TNPO2: variants seen among roughly 807,000 people sequenced by gnomAD.
TNPO2 encodes the protein transportin 2.
A neutral mutation model predicts 111.1 loss-of-function variants in TNPO2; 16 were observed. The ratio of observed to expected loss-of-function variants is 0.14; its 90% confidence interval spans 0.10 to 0.22. TNPO2 has a LOEUF of 0.22. TNPO2 is among the 10% of genes least tolerant of loss of function. The pLI is 1.00. For missense variants in TNPO2, 530 were observed against 1,173.7 expected (o/e 0.45, Z 8.01); for synonymous variants, 481 against 475.8 (o/e 1.01, Z -0.14).
Position 12,705,154 on chromosome 19 carries a change from T to C in TNPO2, c.2022+86A>G, listed in dbSNP as rs979748556. ...GAACAGCACCTTTTCCCTGATTTCC[T>C]TTGGGCACAACCAGGCCCTGACTCC... is the stretch of plus-strand genomic sequence containing the variant. On this transcript the variant is annotated intron_variant, in intron 18 of 25. Transcript: ENST00000425528. The surrounding 1 kb of genome is among the most constrained non-coding windows in gnomAD (Gnocchi z 7.2). 7.3e-7 allele frequency: 1 copy of C among 1,370,764 alleles called. No homozygotes were observed. The highest frequency in any genetic ancestry group is 2.1e-5 in the Admixed American group (1 of 47,204). The allele number at this position is 1,370,764 out of a possible 1,614,324, so 84.9% of individuals were successfully genotyped here.
chr19:12,705,971 TG>T lies in TNPO2; in HGVS notation c.1669-204del. On this transcript the variant is annotated intron_variant, in intron 15 of 25. Coordinates refer to ENST00000425528, the MANE Select transcript of TNPO2 (RefSeq NM_001382241.1). This position sits in a 1 kb window ranked among gnomAD's most constrained non-coding sequence, Gnocchi z 7.2. ...CGCCCCACCCCACCCCCCGGGAGCC[TG>T]GGTTACCACCTCCTGGTTCCCGAAG... 2.1e-6 allele frequency: 1 copy of T among 483,366 alleles called. No homozygotes were observed. The highest frequency in any genetic ancestry group is 3.7e-6 in the Non-Finnish European group (1 of 270,960). The allele number at this position is 483,366 out of a possible 1,614,324, so 29.9% of individuals were successfully genotyped here.
Position 12,700,222 on chromosome 19 carries a change from A to T in TNPO2, c.*1042T>A, listed in dbSNP as rs1221902049. The T allele has an allele frequency of 6.6e-6, 1 of 152,146 alleles. No individual in the cohort carries two copies. Among genetic ancestry groups the T allele is most frequent in the Non-Finnish European group, 1.5e-5 (1 of 68,036 alleles). 9.4% of individuals were successfully genotyped at this position (152,146 alleles called of 1,614,324 possible). On this transcript the variant is annotated 3_prime_UTR_variant, in exon 26 of 26. Coordinates refer to ENST00000425528, the MANE Select transcript of TNPO2 (RefSeq NM_001382241.1). ...CTGGCAAAAACCTGTGTCCTCTGTC[A>T]TCATCAATTAAACGCCCCTGCCCCA...
In TNPO2 at chr19:12,719,331, G is replaced by C. The variant is rs780546788; in HGVS notation, c.105C>G (p.Leu35=). 1 of 1,613,762 alleles carries C rather than the reference G, an allele frequency of 6.2e-7. No homozygotes were observed. Among genetic ancestry groups the C allele is most frequent in the Admixed American group, 1.7e-5 (1 of 59,988 alleles). Residue 35 remains leucine (L), a synonymous_variant, in exon 4 of 26, where the codon CTC becomes CTG. Transcript: ENST00000425528. This position sits in a 1 kb window ranked among gnomAD's most constrained non-coding sequence, Gnocchi z 5.0. ...TATQRIVQDK[L]KQLNQFPDFN... is the part of the protein sequence containing the mutation. ...AGTCAGGAAACTGATTGAGTTGTTT[G>C]AGTTTCTGCCAGGCTGTTAAGGGAC... is the stretch of plus-strand genomic sequence containing the variant.
Position 12,710,610 on chromosome 19 carries a change from G to C in TNPO2, c.1270+11C>G, listed in dbSNP as rs2025981384. 1.2e-6 allele frequency: 2 copies of C among 1,612,258 alleles called. No individual in the cohort carries two copies. The highest frequency in any genetic ancestry group is 1.7e-6 in the Non-Finnish European group (2 of 1,179,308). On this transcript the variant is annotated intron_variant, in intron 13 of 25. Coordinates refer to ENST00000425528, the MANE Select transcript of TNPO2 (RefSeq NM_001382241.1). ...ATGCCAGCACAGGGCTCAGAGATCAGGCGCACTCACCCTCAGCAATGGCGC... is the reference window on the plus strand; with the variant it reads ...ATGCCAGCACAGGGCTCAGAGATCACGCGCACTCACCCTCAGCAATGGCGC...
chr19:12,720,119 C>T (rs1012065844), intron 3 of TNPO2, among the ~76,000 whole-genome samples: 2 of 152,046 alleles, frequency 1.3e-5, no homozygotes, highest in African/African-American at 4.8e-5. Flanking sequence ...CAGGTTCAAG[C>T]GATTCTCCTG....
chr19:12,705,104 C>T lies in TNPO2; in HGVS notation c.2022+136G>A, dbSNP rs2025562062. ...GGCTCAAGCAATCCTGCCTCGGCCT[C>T]CAGGATTACTCTTTAAAATAATTAG... On this transcript the variant is annotated intron_variant, in intron 18 of 25. Transcript: ENST00000425528. The surrounding 1 kb of genome is among the most constrained non-coding windows in gnomAD (Gnocchi z 7.2). 4 of 952,728 alleles carry T rather than the reference C, an allele frequency of 4.2e-6. No homozygotes were observed. The highest frequency in any genetic ancestry group is 3.3e-5 in the African/African-American group (2 of 60,668). The allele number at this position is 952,728 out of a possible 1,614,324, so 59.0% of individuals were successfully genotyped here.
rs2025593500 is a variant in TNPO2, at chr19:12,705,470, TG to T, written c.1863+21del. 6.3e-7 allele frequency: 1 copy of T among 1,580,574 alleles called. No individual in the cohort carries two copies. The highest frequency in any genetic ancestry group is 1.3e-5 in the African/African-American group (1 of 74,146). ...AGGCAGGCCAATGCAGAAGCACAGG[TG>T]ACGGGCCTAGGGTTGCTCACCATGG... On this transcript the variant is annotated intron_variant, in intron 17 of 25. Coordinates refer to ENST00000425528, the MANE Select transcript of TNPO2 (RefSeq NM_001382241.1). The surrounding 1 kb of genome is among the most constrained non-coding windows in gnomAD (Gnocchi z 7.2).
In TNPO2 at chr19:12,702,971, CA is replaced by C; in HGVS notation, c.2210-54del. On this transcript the variant is annotated intron_variant, in intron 20 of 25. Transcript: ENST00000425528. The surrounding 1 kb of genome is among the most constrained non-coding windows in gnomAD (Gnocchi z 5.5). ...CACAGCCCCCGCCACCCACAGGGGC[CA>C]GGGGGCCGCCCCACCTCACTCACTA... 4 of 1,531,190 alleles carry C rather than the reference CA, an allele frequency of 2.6e-6. No homozygotes were observed. The highest frequency in any genetic ancestry group is 4.5e-5 in the East Asian group (2 of 44,364). The allele number at this position is 1,531,190 out of a possible 1,614,324, so 94.9% of individuals were successfully genotyped here. A position where few individuals can be genotyped will look rare whatever the true frequency, so the allele number is the denominator to read the frequency against.
chr19:12,713,036 C>T (rs569638743), intron 10 of TNPO2, among the ~76,000 whole-genome samples: 5 of 152,180 alleles, frequency 3.3e-5, no homozygotes, highest in African/African-American at 1.2e-4. Context: ...TAGGCGTGAG[C>T]CATGGCACTC....
intron 5 of TNPO2, among the ~76,000 whole-genome samples, chr19:12,717,548 A>G (rs145746387): frequency 1.3e-5 from 2 of 152,184 alleles, no homozygotes; most frequent in African/African-American, 4.8e-5. Context: ...CTGGGATTAG[A>G]GGCGTGAGCC....
Position 12,702,698 on chromosome 19 carries a change from T to A in TNPO2, c.2305+125A>T, listed in dbSNP as rs995086902. Reference sequence around the variant, plus strand: ...CTTGGGGCTTCTCCCAGTGACCCCTTCCAGGTACTTCCAGACACCCTCCTT... The same window carrying A: ...CTTGGGGCTTCTCCCAGTGACCCCTACCAGGTACTTCCAGACACCCTCCTT... On this transcript the variant is annotated intron_variant, in intron 21 of 25. Transcript: ENST00000425528. The surrounding 1 kb of genome is among the most constrained non-coding windows in gnomAD (Gnocchi z 5.5). 7 of 850,002 alleles carry A rather than the reference T, an allele frequency of 8.2e-6. No individual in the cohort carries two copies. The highest frequency in any genetic ancestry group is 1.2e-5 in the Non-Finnish European group (6 of 517,188). 52.7% of individuals were successfully genotyped at this position (850,002 alleles called of 1,614,324 possible). A position where few individuals can be genotyped will look rare whatever the true frequency, so the allele number is the denominator to read the frequency against.
At position 12,708,260 on chromosome 19, in the gene TNPO2, T is replaced by C. The variant is rs180971838; in HGVS notation, c.1271-1465A>G. ...TGATTGTCGTGCCTCAGCCTCCCAA[T>C]AGCTAGGACTACAGGTATGCACCAC... is the stretch of plus-strand genomic sequence containing the variant. On this transcript the variant is annotated intron_variant, in intron 13 of 25. Coordinates refer to ENST00000425528, the MANE Select transcript of TNPO2 (RefSeq NM_001382241.1). Among the ~76,000 whole-genome samples, 26 of 152,172 alleles carry C rather than the reference T, an allele frequency of 1.7e-4. 1 individual carries two copies. The East Asian group carries it at 2.5e-3, about 15-fold the overall frequency.
Position 12,705,620 on chromosome 19 carries a change from T to A in TNPO2, c.1756-21A>T. 2 of 1,582,664 alleles carry A rather than the reference T, an allele frequency of 1.3e-6. No homozygotes were observed. Among genetic ancestry groups the A allele is most frequent in the African/African-American group, 1.4e-5 (1 of 74,056 alleles). ...AGACACTGGCAGGGAGGAAGGCAGG[T>A]GGGGAGAACTCAGGCAGGGTGGGCA... On this transcript the variant is annotated intron_variant, in intron 16 of 25. Coordinates refer to ENST00000425528, the MANE Select transcript of TNPO2 (RefSeq NM_001382241.1). This position sits in a 1 kb window ranked among gnomAD's most constrained non-coding sequence, Gnocchi z 7.2.
At chr19:12,704,192 C>A (rs555282293) in intron 18 of TNPO2, among the ~76,000 whole-genome samples, 1 of 152,176 alleles carries the variant, frequency 6.6e-6, no homozygotes, top group Non-Finnish European at 1.5e-5. Context: ...CATGGCAAAA[C>A]CCTGTCTTTA....
chr19:12,703,185 A>C, intron 20 of TNPO2: 1 of 586,642 alleles, frequency 1.7e-6, no homozygotes, highest in East Asian at 2.8e-5. Flanking sequence ...AAAAAAAGCC[A>C]AAGTCACCCA....
Position 12,721,280 on chromosome 19 carries a change from A to G in TNPO2, c.-13-290T>C. 2 of 1,287,846 alleles carry G rather than the reference A, an allele frequency of 1.6e-6. No individual in the cohort carries two copies. The highest frequency in any genetic ancestry group is 9.9e-7 in the Non-Finnish European group (1 of 1,007,582). 79.8% of individuals were successfully genotyped at this position (1,287,846 alleles called of 1,614,324 possible). On this transcript the variant is annotated intron_variant, in intron 2 of 25. Transcript: ENST00000425528. The surrounding 1 kb of genome is among the most constrained non-coding windows in gnomAD (Gnocchi z 4.9). ...GGACCCAGCGAAGAGCCCTCGTCCC[A>G]GGGTGGCCCATGCCGCTGACCCCGG... is the stretch of plus-strand genomic sequence containing the variant.
At position 12,701,423 on chromosome 19, in the gene TNPO2, C is replaced by T; in HGVS notation, c.2617G>A (p.Glu873Lys). ...ILHGFKDQVG[E>K]DNWQQFSEQF... ...TCAGAGAACTGCTGCCAGTTATCTT[C>T]CCCAACTTGGTCTTTGAAGCCGTGG... The change falls in exon 25 of 26, where the codon GAA becomes AAA. Residue 873 changes from glutamate (E) to lysine (K), a missense_variant. By Grantham distance (56) the Glu-to-Lys change is moderately conservative (BLOSUM62 1). This residue lies in a region of TNPO2 where 103 missense variants were observed against 156.7 expected (regional missense o/e 0.66). Transcript: ENST00000425528. The surrounding 1 kb of genome is among the most constrained non-coding windows in gnomAD (Gnocchi z 5.0). 6.2e-7 allele frequency: 1 copy of T among 1,613,948 alleles called. No homozygotes were observed. The highest frequency in any genetic ancestry group is 8.5e-7 in the Non-Finnish European group (1 of 1,179,862).
chr19:12,704,596 A>G (rs1200497216), intron 18 of TNPO2, among the ~76,000 whole-genome samples: 3 of 152,226 alleles, frequency 2.0e-5, no homozygotes, highest in Non-Finnish European at 2.9e-5. Context: ...ATCTGAGGTT[A>G]CTTGAATCTT....
chr19:12,712,101 C>T, intron 10 of TNPO2, among the ~76,000 whole-genome samples: 1 of 152,098 alleles, frequency 6.6e-6, no homozygotes, highest in Non-Finnish European at 1.5e-5. Flanking sequence ...ATAATCATAG[C>T]CTAGGAAAAA....
Sources: allele counts gnomAD v4.1 joint callset (sites outside exome capture counted in the v4.1 genomes callset), GRCh38; gene constraint gnomAD v4.1.1; regional missense constraint gnomAD v4.1.1; non-coding constraint Gnocchi (gnomAD v3.1); transcripts MANE v1.5; gene names NCBI Gene and HGNC (gene_info 2026-07-23, HGNC 2026-07-21).